The following EDEM2 variants were observed in gnomAD, a reference collection of about 807,000 sequenced individuals.
EDEM2 encodes the protein ER degradation enhancing alpha-mannosidase like protein 2.
A neutral mutation model predicts 64.8 loss-of-function variants in EDEM2; 39 were observed. The ratio of observed to expected loss-of-function variants is 0.60; its 90% CI spans 0.47 to 0.79. EDEM2 has a LOEUF of 0.79. Ranked by LOEUF, EDEM2 falls within the 30% of genes least tolerant of loss-of-function variation. EDEM2 has a pLI of 0.00. For missense variants in EDEM2, 609 were observed against 731.3 expected (o/e 0.83, Z 1.93); for synonymous variants, 296 against 291.5 (o/e 1.02, Z -0.16).
At chr20:35,128,953 A>T (rs2085472352) in intron 7 of EDEM2, among the ~76,000 whole-genome samples, 1 of 139,844 alleles carries the variant, frequency 7.2e-6, no homozygotes, top group Non-Finnish European at 1.5e-5. Flanking sequence ...TAAAAAAGTT[A>T]CAGTAAGCTA....
chr20:35,117,101 T>C (rs1259579339), intron 10 of EDEM2: 1 of 152,170 alleles, frequency 6.6e-6, no homozygotes, highest in Admixed American at 6.6e-5. Flanking sequence ...AATTACCAAG[T>C]TTTTGTAAGC....
chr20:35,131,349 G>A (rs2085503053), intron 7 of EDEM2, among the ~76,000 whole-genome samples: 1 of 152,132 alleles, frequency 6.6e-6, no homozygotes, highest in Non-Finnish European at 1.5e-5. Context: ...TCCGGAGTTT[G>A]AGACCAGCCT....
chr20:35,133,819 C>T (rs2085539836), intron 6 of EDEM2, among the ~76,000 whole-genome samples: 1 of 152,190 alleles, frequency 6.6e-6, no homozygotes, highest in African/African-American at 2.4e-5. Context: ...ACAAGCTTTA[C>T]TTTTCAAGCT....
At chr20:35,126,496 A>C (rs1056748333) in intron 7 of EDEM2, 121 bp from the exon 8 acceptor site, 5 of 1,200,826 alleles carry the variant, frequency 4.2e-6, no homozygotes, top group South Asian at 2.9e-5. Flanking sequence ...TGAGGCAAGG[A>C]GGCTAGACAA....
intron 6 of EDEM2, among the ~76,000 whole-genome samples, chr20:35,133,000 C>T (rs2085526450): frequency 6.6e-6 from 1 of 152,140 alleles, no homozygotes; most frequent in African/African-American, 2.4e-5. Flanking sequence ...TCCTTGTAAA[C>T]ACCAGTAGAG....
At chr20:35,133,571 A>G (rs1334345342) in intron 6 of EDEM2, among the ~76,000 whole-genome samples, 1 of 151,764 alleles carries the variant, frequency 6.6e-6, no homozygotes, top group Non-Finnish European at 1.5e-5. Context: ...GGTTCAGGCA[A>G]TTCTCCTGCC....
intron 9 of EDEM2, among the ~76,000 whole-genome samples, chr20:35,122,931 T>C: frequency 6.6e-6 from 1 of 152,198 alleles, no homozygotes; most frequent in East Asian, 1.9e-4. Context: ...AATGGGCTCA[T>C]AGCCTGTTTT....
chr20:35,145,826 T>C (rs1183771507), intron 2 of EDEM2, among the ~76,000 whole-genome samples: 1 of 151,860 alleles, frequency 6.6e-6, no homozygotes, highest in Non-Finnish European at 1.5e-5. Flanking sequence ...CCTGGCCAAA[T>C]GACAAAACCC....
intron 6 of EDEM2, 107 bp downstream of exon 6, chr20:35,134,631 A>T: frequency 2.3e-6 from 3 of 1,282,764 alleles, no homozygotes; most frequent in Non-Finnish European, 3.2e-6. Context: ...ATCCTGGACC[A>T]CTCCCAAGGT....
At chr20:35,131,560 T>G in intron 7 of EDEM2, 82 bp downstream of exon 7, 1 of 1,539,566 alleles carries the variant, frequency 6.5e-7, no homozygotes, top group East Asian at 2.3e-5. Context: ...AGCAAGACTC[T>G]GTCTCAAAAA....
In EDEM2 at chr20:35,124,028, T is replaced by C. The variant is rs149260082; in HGVS notation, c.976A>G (p.Ile326Val). 1.1e-3 allele frequency: 1,768 copies of C among 1,612,064 alleles called. 1 individual carries two copies. Among genetic ancestry groups the C allele is most frequent in the Non-Finnish European group, 1.3e-3 (1,569 of 1,178,346 alleles). The change falls in exon 9 of 11, where the codon ATT becomes GTT. Residue 326 changes from isoleucine (I) to valine (V), a missense_variant. Transcript: ENST00000374492. ...CTCATGGCATTGTCAATGTCTCCAA[T>C]GAGGCTCTGTGGGAGAAAGTGGCTG... is the stretch of plus-strand genomic sequence containing the variant. ...EAYWPGLQSL[I>V]GDIDNAMRTF...
chr20:35,115,749 T>C lies in EDEM2; in HGVS notation c.1421A>G (p.Asn474Ser). The C allele has an allele frequency of 6.8e-6, 11 of 1,614,198 alleles. No homozygotes were observed. The highest frequency in any genetic ancestry group is 9.3e-6 in the Non-Finnish European group (11 of 1,180,034). ...CILGAGGYIF[N>S]TEAHPIDPAA... ...AGGGTCGATGGGGTGAGCTTCTGTG[T>C]TGAAGATGTACCCCCCAGCCCCCAG... The change falls in exon 11 of 11, where the codon AAC becomes AGC. Residue 474 changes from asparagine (N) to serine (S), a missense_variant. Physicochemically the swap from Asn to Ser is conservative, Grantham distance 46. Coordinates refer to ENST00000374492, the MANE Select transcript of EDEM2 (RefSeq NM_018217.3).
Position 35,123,937 on chromosome 20 carries a change from G to A in EDEM2, c.1067C>T (p.Pro356Leu), listed in dbSNP as rs777369962. ...TCGCTTCTCCACTGTGTATCCCTGAGGAATGTTGTAGAATTCCGGGAGCCC... is the reference window on the plus strand; with the variant it reads ...TCGCTTCTCCACTGTGTATCCCTGAAGAATGTTGTAGAATTCCGGGAGCCC... Reference protein sequence around the residue: ...FGGLPEFYNIPQGYTVEKREG... With the variant: ...FGGLPEFYNILQGYTVEKREG... The change falls in exon 9 of 11, where the codon CCT (proline) becomes CTT (leucine). Residue 356 changes from proline (P) to leucine (L), a missense_variant. By Grantham distance (98) the Pro-to-Leu change is moderately conservative. Coordinates refer to ENST00000374492, the MANE Select transcript of EDEM2 (RefSeq NM_018217.3). The A allele has an allele frequency of 6.2e-7, 1 of 1,614,180 alleles. No homozygotes were observed. Among genetic ancestry groups the A allele is most frequent in the Non-Finnish European group, 8.5e-7 (1 of 1,180,030 alleles).
intron 5 of EDEM2, among the ~76,000 whole-genome samples, 183 bp downstream of exon 5, chr20:35,137,697 C>A (rs1165545027): frequency 6.6e-6 from 1 of 152,232 alleles, no homozygotes. Flanking sequence ...GTCAGGGCCC[C>A]AGCAGGCCCT....
At chr20:35,144,820 A>G (rs180909595) in intron 3 of EDEM2, among the ~76,000 whole-genome samples, 159 bp downstream of exon 3, 3 of 152,184 alleles carry the variant, frequency 2.0e-5, no homozygotes, top group East Asian at 1.9e-4. Flanking sequence ...TTTTTCCCCT[A>G]TCTAGCTAGG....
Position 35,142,365 on chromosome 20 carries a change from G to A in EDEM2, c.364+8C>T. ...TTTCTTTTAAAGGTCCTAGAGAGCA[G>A]CCCTTACCTCGAATGTTTGTTTCAA... On this transcript the variant is annotated splice_region_variant and intron_variant, in intron 4 of 10. Transcript: ENST00000374492. 1 of 1,606,018 alleles carries A rather than the reference G, an allele frequency of 6.2e-7. No individual in the cohort carries two copies. Among genetic ancestry groups the A allele is most frequent in the African/African-American group, 1.3e-5 (1 of 74,848 alleles).
At chr20:35,125,320 T>C (rs1382704074) in intron 8 of EDEM2, among the ~76,000 whole-genome samples, 1 of 151,872 alleles carries the variant, frequency 6.6e-6, no homozygotes, top group Non-Finnish European at 1.5e-5. Flanking sequence ...TGCAGTCTCC[T>C]GAGTAGCTGG....
intron 9 of EDEM2, 149 bp downstream of exon 9, chr20:35,123,741 A>T: frequency 1.0e-6 from 1 of 980,942 alleles, no homozygotes; most frequent in Non-Finnish European, 1.4e-6. Context: ...ATTAACTCCT[A>T]GTAAGAAAAC....
At chr20:35,137,018 G>A (rs1485977304) in intron 5 of EDEM2, among the ~76,000 whole-genome samples, 3 of 152,266 alleles carry the variant, frequency 2.0e-5, no homozygotes, top group East Asian at 1.9e-4. Flanking sequence ...AGTGTTGGAC[G>A]TTCTCTAAGC....
Sources: gnomAD v4.1 joint callset for allele counts (sites outside exome capture counted in the v4.1 genomes callset) on GRCh38, gnomAD v4.1.1 for gene constraint, MANE v1.5 for transcripts, NCBI Gene and HGNC (gene_info 2026-07-23, HGNC 2026-07-21) for gene names.